The following CDH7 variants were observed in gnomAD, a reference collection of about 807,000 sequenced individuals.
CDH7 encodes the protein cadherin-7.
In CDH7, 25 loss-of-function variants were observed where a neutral mutation model predicts 71.8. That is an observed-to-expected ratio of 0.35 (90% CI 0.25 to 0.49). The LOEUF is 0.49. Ranked by LOEUF, CDH7 falls within the 20% of genes least tolerant of loss-of-function variation. The pLI is 0.99. For synonymous variants in CDH7, 381 were observed against 363.8 expected, an observed-to-expected ratio of 1.05 and a Z score of -0.54; for missense variants, 862 against 974.6, an observed-to-expected ratio of 0.88 and a Z score of 1.54.
At chr18:65,865,698 T>C (rs1241925363) in intron 11 of CDH7, 1 of 152,180 alleles carries the variant, frequency 6.6e-6, no homozygotes, top group Non-Finnish European at 1.5e-5. Flanking sequence ...ATTTTTATAC[T>C]GTTTTAGTTT....
At chr18:65,821,699 C>T (rs966372190) in intron 4 of CDH7, among the ~76,000 whole-genome samples, 1 of 152,170 alleles carries the variant, frequency 6.6e-6, no homozygotes, top group Admixed American at 6.6e-5. Context: ...AGTGGTTATG[C>T]ATTTTTATAA....
At chr18:65,874,312 G>A (rs1400924322) in intron 11 of CDH7, among the ~76,000 whole-genome samples, 1 of 151,998 alleles carries the variant, frequency 6.6e-6, no homozygotes, top group African/African-American at 2.4e-5. Context: ...AACCTAGTGG[G>A]ATGTAATTTA....
At chr18:65,762,013 C>A (rs182261537) in intron 1 of CDH7, among the ~76,000 whole-genome samples, 1 of 152,296 alleles carries the variant, frequency 6.6e-6, no homozygotes, top group Admixed American at 6.5e-5. Context: ...TAACATGCTA[C>A]ACAGCATACA....
At chr18:65,811,887 A>G (rs527459802) in intron 3 of CDH7, among the ~76,000 whole-genome samples, 6 of 151,948 alleles carry the variant, frequency 3.9e-5, no homozygotes, top group South Asian at 4.2e-4. Flanking sequence ...TGAATAATGT[A>G]TAAGTTAAAT....
At chr18:65,797,418 T>A (rs961971046) in intron 2 of CDH7, among the ~76,000 whole-genome samples, 4 of 152,170 alleles carry the variant, frequency 2.6e-5, no homozygotes, top group Non-Finnish European at 5.9e-5. Flanking sequence ...ATGGTTGGTG[T>A]GCAGGAAAGC....
intron 7 of CDH7, among the ~76,000 whole-genome samples, chr18:65,854,169 A>T (rs531389382): frequency 1.3e-4 from 20 of 151,592 alleles, no homozygotes; most frequent in East Asian, 2.0e-4. Context: ...AGCTTGGCAC[A>T]GTGGCCCATG....
chr18:65,776,401 C>CAGAGAG (rs1555681615), intron 2 of CDH7, among the ~76,000 whole-genome samples: 41 of 124,768 alleles, frequency 3.3e-4, no homozygotes, highest in African/African-American at 1.3e-3. Flanking sequence ...CACACACACA[C>CAGAGAG]AGAGAGAGAG....
chr18:65,809,839 G>T lies in CDH7; in HGVS notation c.346G>T (p.Ala116Ser). The T allele has an allele frequency of 6.2e-7, 1 of 1,613,986 alleles. No individual in the cohort carries two copies. The highest frequency in any genetic ancestry group is 1.1e-5 in the South Asian group (1 of 91,060). Reference sequence around the variant, plus strand: ...CAAGAGACTGGATCGTGAGGAGCAGGCCTACTACACGCTCCGAGCTCAAGC... The same window carrying T: ...CAAGAGACTGGATCGTGAGGAGCAGTCCTACTACACGCTCCGAGCTCAAGC... ...ATKRLDREEQAYYTLRAQALD... is the reference protein window; with the variant it reads ...ATKRLDREEQSYYTLRAQALD... The change falls in exon 3 of 12, where the codon GCC becomes TCC. Residue 116 changes from alanine (A) to serine (S), a missense_variant. Ala to Ser is a moderately conservative substitution (Grantham distance 99, BLOSUM62 1). Transcript: ENST00000397968.
chr18:65,759,237 CT>C (rs567835037), intron 1 of CDH7, among the ~76,000 whole-genome samples: 4,648 of 142,820 alleles, frequency 0.033, 70 homozygotes, highest in Middle Eastern at 0.08. Context: ...TGCCCATTAT[CT>C]TTTTTTTTTT....
intron 11 of CDH7, among the ~76,000 whole-genome samples, chr18:65,867,612 A>G (rs1468550684): frequency 6.6e-6 from 1 of 152,228 alleles, no homozygotes; most frequent in African/African-American, 2.4e-5. Context: ...AAAATATTAC[A>G]GCTAAATTCT....
rs1914260733 is a variant in CDH7 at position 65,882,541 on chromosome 18, C to A, written c.*1647C>A. 6.6e-6 allele frequency: 1 copy of A among 152,058 alleles called. No individual in the cohort carries two copies. The highest frequency in any genetic ancestry group is 6.6e-5 in the Admixed American group (1 of 15,266). 9.4% of individuals were successfully genotyped at this position (152,058 alleles called of 1,614,324 possible). On this transcript the variant is annotated 3_prime_UTR_variant, in exon 12 of 12. Transcript: ENST00000397968. ...ACACAAAGAAGAACTATGTAGGATT[C>A]TGTAAACTTGCAGCCCAACTTTAGA... is the stretch of plus-strand genomic sequence containing the variant.
chr18:65,800,971 C>G, intron 2 of CDH7, among the ~76,000 whole-genome samples: 1 of 152,160 alleles, frequency 6.6e-6, no homozygotes, highest in East Asian at 1.9e-4. Context: ...AAAAGCACTT[C>G]CCTGAACCCC....
At chr18:65,814,409 C>G (rs1346828073) in intron 3 of CDH7, 76 bp from the exon 4 acceptor site, 4 of 1,483,708 alleles carry the variant, frequency 2.7e-6, no homozygotes, top group Non-Finnish European at 3.8e-6. Context: ...AATGTGGAAT[C>G]AGTAACATTT....
chr18:65,817,180 T>G (rs1470850774), intron 4 of CDH7, among the ~76,000 whole-genome samples: 1 of 152,198 alleles, frequency 6.6e-6, no homozygotes, highest in Non-Finnish European at 1.5e-5. Flanking sequence ...ATTTAGGAGT[T>G]CTTTTTTAGA....
intron 10 of CDH7, 25 bp from the exon 11 acceptor site, chr18:65,862,641 T>A: frequency 6.2e-7 from 1 of 1,608,912 alleles, no homozygotes; most frequent in African/African-American, 1.3e-5. Flanking sequence ...AATCTGGTGT[T>A]ATACATTTGC....
rs1378606647 is a variant in CDH7, at chr18:65,781,968, C to CTT, written c.210+18917_210+18918insTT. ...TCTTTCTCTCTTTCTCTCTTTCTCT[C>CTT]TCTCTCTCTCTCTCTCTCTTTCTCT... is the stretch of plus-strand genomic sequence containing the variant. On this transcript the variant is annotated intron_variant, in intron 2 of 11. Coordinates refer to ENST00000397968, the MANE Select transcript of CDH7 (RefSeq NM_004361.5). Among the ~76,000 whole-genome samples the CTT allele has an allele frequency of 1.4e-3, 122 of 89,950 alleles. 13 individuals are homozygous for CTT. Among genetic ancestry groups the CTT allele is most frequent in the African/African-American group, 6.0e-3 (68 of 11,310 alleles). The allele number at this position is 89,950 out of a possible 152,430, so 59.0% of individuals were successfully genotyped here.
intron 11 of CDH7, among the ~76,000 whole-genome samples, chr18:65,873,644 A>G (rs1342367399): frequency 6.6e-6 from 1 of 152,220 alleles, no homozygotes; most frequent in Non-Finnish European, 1.5e-5. Context: ...CCAAGTGCTC[A>G]ATAGCCACAT....
In CDH7 at chr18:65,782,012, T is replaced by TC. The variant is rs1568182132; in HGVS notation, c.210+18960_210+18961insC. Among the ~76,000 whole-genome samples the TC allele has an allele frequency of 5.5e-5, 4 of 72,844 alleles. 2 individuals are homozygous for TC. The highest frequency in any genetic ancestry group is 2.4e-4 in the Admixed American group (2 of 8,372). The allele number at this position is 72,844 out of a possible 152,430, so 47.8% of individuals were successfully genotyped here. A position where few individuals can be genotyped will look rare whatever the true frequency, so the allele number is the denominator to read the frequency against. ...TTTCTCTCTTTCTCTCTTTCTCTCT[T>TC]TCTCTCTCTCTTTCTCCCTTCCTTC... On this transcript the variant is annotated intron_variant, in intron 2 of 11. Coordinates refer to ENST00000397968, the MANE Select transcript of CDH7 (RefSeq NM_004361.5).
chr18:65,829,215 G>T (rs1375381358), intron 6 of CDH7, among the ~76,000 whole-genome samples: 1 of 151,860 alleles, frequency 6.6e-6, no homozygotes, highest in Non-Finnish European at 1.5e-5. Context: ...CGCCTCCCGG[G>T]TTCACGCCAT....
Sources: allele counts gnomAD v4.1 joint callset (sites outside exome capture counted in the v4.1 genomes callset), GRCh38; gene constraint gnomAD v4.1.1; transcripts MANE v1.5; gene names NCBI Gene and HGNC (gene_info 2026-07-23, HGNC 2026-07-21).